LUZP2: variants seen among roughly 807,000 people sequenced by gnomAD.
LUZP2 encodes the protein leucine zipper protein 2.
In LUZP2, 52 loss-of-function variants were observed where a neutral mutation model predicts 51.6. The observed-to-expected ratio is 1.01, with a 90% CI of 0.81 to 1.27. The LOEUF (loss-of-function observed/expected upper bound fraction) is 1.27. LUZP2 is among the 50% of genes most tolerant of loss of function. The pLI is 0.00. For missense variants in LUZP2, 436 were observed against 395.4 expected (o/e 1.10, Z -0.87); for synonymous variants, 154 against 137.3 (o/e 1.12, Z -0.85).
At chr11:24,901,574 ACTC>A (rs1351304383) in intron 5 of LUZP2, among the ~76,000 whole-genome samples, 3 of 151,798 alleles carry the variant, frequency 2.0e-5, no homozygotes, top group Non-Finnish European at 4.4e-5. Flanking sequence ...CTTTAGACAG[ACTC>A]CTCTGAGTTC....
intron 7 of LUZP2, among the ~76,000 whole-genome samples, chr11:24,921,040 G>T (rs970134071): frequency 1.3e-5 from 2 of 152,024 alleles, no homozygotes; most frequent in African/African-American, 2.4e-5. Context: ...CACTTACATT[G>T]TATTAGGTAT....
intron 6 of LUZP2, among the ~76,000 whole-genome samples, chr11:24,906,451 G>A (rs752513404): frequency 1.3e-5 from 2 of 151,888 alleles, no homozygotes; most frequent in African/African-American, 4.8e-5. Context: ...TGAAGATTCC[G>A]GGCTTGTCCA....
intron 1 of LUZP2, among the ~76,000 whole-genome samples, chr11:24,606,219 C>G (rs1735002010): frequency 1.3e-5 from 2 of 151,844 alleles, no homozygotes; most frequent in Admixed American, 1.3e-4. Context: ...GTTCAACTTA[C>G]AATTTTTGGA....
chr11:24,499,772 T>C (rs1849934562), intron 1 of LUZP2, among the ~76,000 whole-genome samples: 1 of 152,022 alleles, frequency 6.6e-6, no homozygotes, highest in South Asian at 2.1e-4. Flanking sequence ...AATGCAAATA[T>C]ATATATATAT....
chr11:24,540,880 T>A (rs561559924), intron 1 of LUZP2, among the ~76,000 whole-genome samples: 25 of 150,676 alleles, frequency 1.7e-4, no homozygotes, highest in South Asian at 4.1e-4. Context: ...CAAAAAAAAA[T>A]TTGAAACAAA....
intron 5 of LUZP2, among the ~76,000 whole-genome samples, chr11:24,888,492 G>C (rs1852741722): frequency 6.6e-6 from 1 of 152,030 alleles, no homozygotes; most frequent in Non-Finnish European, 1.5e-5. Context: ...ATCAAAATGA[G>C]ATTGAGGATA....
At chr11:24,610,799 G>C (rs72880643) in intron 1 of LUZP2, among the ~76,000 whole-genome samples, 8,594 of 152,188 alleles carry the variant, frequency 0.056, 324 homozygotes, top group Middle Eastern at 0.085. Flanking sequence ...CACAAAATGA[G>C]CTGGGCGTGG....
At chr11:24,866,934 G>A (rs1046099995) in intron 5 of LUZP2, among the ~76,000 whole-genome samples, 3 of 152,120 alleles carry the variant, frequency 2.0e-5, no homozygotes, top group African/African-American at 7.2e-5. Context: ...TAAGACTGAG[G>A]CCATGTGGAG....
At chr11:25,043,989 T>C (rs938696604) in intron 9 of LUZP2, among the ~76,000 whole-genome samples, 5 of 113,534 alleles carry the variant, frequency 4.4e-5, no homozygotes, top group Admixed American at 3.5e-4. Context: ...ATATATAGTC[T>C]ACATATATCT....
chr11:24,742,039 A>G (rs1482027663), intron 4 of LUZP2, among the ~76,000 whole-genome samples: 7 of 128,068 alleles, frequency 5.5e-5, no homozygotes, highest in African/African-American at 1.8e-4. Context: ...ATATATAAAT[A>G]CATAAAAATA....
intron 9 of LUZP2, among the ~76,000 whole-genome samples, chr11:24,992,039 G>A (rs1054956227): frequency 6.6e-6 from 1 of 152,024 alleles, no homozygotes; most frequent in East Asian, 1.9e-4. Context: ...TCTGCTGACT[G>A]TTCCTTTTGT....
At chr11:24,951,071 C>T (rs11828206) in intron 7 of LUZP2, among the ~76,000 whole-genome samples, 1,711 of 151,508 alleles carry the variant, frequency 0.011, 34 homozygotes, top group African/African-American at 0.038. Flanking sequence ...AGTTTACTCT[C>T]ATTTGGGAGG....
At chr11:24,754,427 T>C (rs902117331) in intron 4 of LUZP2, among the ~76,000 whole-genome samples, 2 of 152,202 alleles carry the variant, frequency 1.3e-5, no homozygotes, top group African/African-American at 4.8e-5. Context: ...TTAGCATCTG[T>C]AGTGACCCAT....
At chr11:24,620,969 A>T (rs946024704) in intron 1 of LUZP2, among the ~76,000 whole-genome samples, 3 of 152,052 alleles carry the variant, frequency 2.0e-5, no homozygotes, top group African/African-American at 7.2e-5. Flanking sequence ...TCCCTGGGCA[A>T]CTTTACCCCT....
At chr11:24,628,041 G>A (rs1002417742) in intron 1 of LUZP2, among the ~76,000 whole-genome samples, 6 of 152,160 alleles carry the variant, frequency 3.9e-5, no homozygotes, top group Non-Finnish European at 7.3e-5. Context: ...TTGAGCTGGT[G>A]ACAATTCATC....
At chr11:24,525,483 G>C (rs2133810819) in intron 1 of LUZP2, among the ~76,000 whole-genome samples, 1 of 151,496 alleles carries the variant, frequency 6.6e-6, no homozygotes, top group South Asian at 2.1e-4. Flanking sequence ...TTCATGTCTG[G>C]GAGCAAAGTT....
At chr11:24,722,951 A>G (rs1366312101) in intron 1 of LUZP2, among the ~76,000 whole-genome samples, 2 of 151,948 alleles carry the variant, frequency 1.3e-5, no homozygotes, top group Non-Finnish European at 2.9e-5. Context: ...TTCAAAATTC[A>G]AGCAGCAGAA....
chr11:24,849,563 G>T (rs984544084), intron 5 of LUZP2, among the ~76,000 whole-genome samples: 2 of 152,184 alleles, frequency 1.3e-5, no homozygotes, highest in Non-Finnish European at 1.5e-5. Flanking sequence ...GTCTGCTATT[G>T]TGAGCAGTGC....
At chr11:24,583,093 T>C (rs545964841) in intron 1 of LUZP2, among the ~76,000 whole-genome samples, 7 of 152,310 alleles carry the variant, frequency 4.6e-5, no homozygotes, top group East Asian at 1.9e-4. Flanking sequence ...AGAGTTTTAG[T>C]AATGAATTAT....
Sources: allele counts gnomAD v4.1 joint callset (sites outside exome capture counted in the v4.1 genomes callset), GRCh38; gene constraint gnomAD v4.1.1; transcripts MANE v1.5; gene names NCBI Gene and HGNC (gene_info 2026-07-23, HGNC 2026-07-21).